The following LPIN1 variants were observed in gnomAD, a reference collection of about 807,000 sequenced individuals.
LPIN1 encodes lipin 1.
In LPIN1, 71 loss-of-function variants were observed where a neutral mutation model predicts 107.5. That is an observed-to-expected ratio of 0.66 (90% CI 0.55 to 0.80). The LOEUF is 0.80. Ranked by LOEUF, LPIN1 falls within the 30% of genes least tolerant of loss-of-function variation. The pLI, the probability that LPIN1 is intolerant of heterozygous loss-of-function variation, is 0.00. For missense variants in LPIN1, 1,043 were observed against 1,160.6 expected, an observed-to-expected ratio of 0.90 and a Z score of 1.47; for synonymous variants, 445 against 452.6, an observed-to-expected ratio of 0.98 and a Z score of 0.21.
chr2:11,756,152 T>C (rs1389175121), intron 1 of LPIN1, among the ~76,000 whole-genome samples: 1 of 152,226 alleles, frequency 6.6e-6, no homozygotes, highest in African/African-American at 2.4e-5. Flanking sequence ...TTATATATAA[T>C]TAGATGTTGC....
upstream of LPIN1, chr2:11,721,762 C>T (rs1452745034): frequency 1.3e-5 from 2 of 152,268 alleles, no homozygotes; most frequent in Non-Finnish European, 2.9e-5. Flanking sequence ...CCTCCTGTCC[C>T]TTCTCTTCTC....
chr2:11,746,791 G>C (rs112959048), intron 1 of LPIN1, 120 bp downstream of exon 1: 2 of 368,120 alleles, frequency 5.4e-6, no homozygotes, highest in Non-Finnish European at 7.5e-6. Flanking sequence ...GCTCGGCCCC[G>C]GGGCCCGAGG....
At chr2:11,785,349 G>C (rs1349421615) in intron 10 of LPIN1, among the ~76,000 whole-genome samples, 7 of 152,230 alleles carry the variant, frequency 4.6e-5, no homozygotes, top group African/African-American at 1.7e-4. Context: ...AGGCCTGCAG[G>C]CTAGAGGGGG....
chr2:11,717,943 T>G (rs1336838512), intron 2 of LPIN1, among the ~76,000 whole-genome samples: 1 of 152,220 alleles, frequency 6.6e-6, no homozygotes, highest in East Asian at 1.9e-4. Flanking sequence ...CAGTAGTTTC[T>G]AGTTCTTTCC....
intron 1 of LPIN1, among the ~76,000 whole-genome samples, chr2:11,733,244 C>A (rs2148548364): frequency 6.6e-6 from 1 of 152,194 alleles, no homozygotes; most frequent in East Asian, 1.9e-4. Context: ...GTGTTATTTC[C>A]AAGCAGGATT....
At chr2:11,704,402 C>T (rs1663027329) in intron 1 of LPIN1, among the ~76,000 whole-genome samples, 1 of 152,152 alleles carries the variant, frequency 6.6e-6, no homozygotes, top group Admixed American at 6.5e-5. Context: ...CCGGGGGAGG[C>T]AGAGCGGGGT....
At chr2:11,725,284 C>CAAA (rs369704064) in intron 1 of LPIN1, among the ~76,000 whole-genome samples, 94 of 148,860 alleles carry the variant, frequency 6.3e-4, no homozygotes, top group African/African-American at 2.4e-3. Flanking sequence ...AAAACAAAAA[C>CAAA]AAACAAACAA....
chr2:11,693,816 ATATATATTTTTTTTTTTTT>A (rs1162407947), intron 1 of LPIN1, among the ~76,000 whole-genome samples: 11 of 29,482 alleles, frequency 3.7e-4, no homozygotes, highest in Admixed American at 6.6e-4. Context: ...ATATATATAT[ATATATATTTTTTTTTTTTT>A]TTTTTTTTTT....
chr2:11,793,675 G>A (rs1428280229), intron 13 of LPIN1, among the ~76,000 whole-genome samples: 1 of 152,114 alleles, frequency 6.6e-6, no homozygotes, highest in Admixed American at 6.5e-5. Context: ...CCCCTGCTTC[G>A]CTTAGCTAAC....
intron 1 of LPIN1, among the ~76,000 whole-genome samples, chr2:11,761,842 A>G (rs532062311): frequency 3.3e-5 from 5 of 152,228 alleles, no homozygotes; most frequent in African/African-American, 1.2e-4. Context: ...AAACCATACA[A>G]TTTCCTCTAC....
chr2:11,719,153 A>T (rs1042263609), intron 2 of LPIN1, among the ~76,000 whole-genome samples: 1 of 151,940 alleles, frequency 6.6e-6, no homozygotes, highest in Admixed American at 6.6e-5. Flanking sequence ...TGATCTGGGA[A>T]TTTTTTTTCC....
chr2:11,754,825 A>G (rs1668412113), intron 1 of LPIN1, among the ~76,000 whole-genome samples: 1 of 151,924 alleles, frequency 6.6e-6, no homozygotes, highest in Non-Finnish European at 1.5e-5. Context: ...TCCGACCCCC[A>G]ATTTTGTGTC....
intron 7 of LPIN1, among the ~76,000 whole-genome samples, chr2:11,780,233 A>G (rs1220504371): frequency 1.3e-5 from 2 of 152,224 alleles, no homozygotes; most frequent in Non-Finnish European, 2.9e-5. Context: ...AAGAAATACA[A>G]CTTACACACA....
At chr2:11,780,587 C>T (rs1673422563) in intron 7 of LPIN1, among the ~76,000 whole-genome samples, 1 of 152,110 alleles carries the variant, frequency 6.6e-6, no homozygotes, top group Non-Finnish European at 1.5e-5. Flanking sequence ...ATGGAGATCT[C>T]CAAAATAAAT....
Position 11,824,818 on chromosome 2 carries a change from A to C in LPIN1, c.*27A>C. On this transcript the variant is annotated 3_prime_UTR_variant, in exon 21 of 21. Transcript: ENST00000674199. ...ATGTCCCAAGCAGCCTCTTGCCAGC[A>C]GTGCAGAGCCTGGTTGTCACCCATT... 6.2e-7 allele frequency: 1 copy of C among 1,613,944 alleles called. No individual in the cohort carries two copies. The highest frequency in any genetic ancestry group is 8.5e-7 in the Non-Finnish European group (1 of 1,179,934).
Position 11,779,500 on chromosome 2 carries a change from G to C in LPIN1, c.831-19G>C. On this transcript the variant is annotated intron_variant, in intron 6 of 20. Transcript: ENST00000674199. Reference sequence around the variant, plus strand: ...AGTTTCTTTTCCCACCTTAATTTTCGCTTTGTGTTTTCCTTAAGTCCTTCC... The same window carrying C: ...AGTTTCTTTTCCCACCTTAATTTTCCCTTTGTGTTTTCCTTAAGTCCTTCC... 6.2e-7 allele frequency: 1 copy of C among 1,612,286 alleles called. No homozygotes were observed. The highest frequency in any genetic ancestry group is 1.1e-5 in the South Asian group (1 of 90,982).
chr2:11,802,847 A>AT, intron 14 of LPIN1, 60 bp from the exon 15 acceptor site: 1 of 1,602,498 alleles, frequency 6.2e-7, no homozygotes, highest in Non-Finnish European at 8.5e-7. Context: ...AGGCTAATGC[A>AT]TTTTTCATGG....
chr2:11,698,300 G>A (rs1050773752), intron 1 of LPIN1, among the ~76,000 whole-genome samples: 2 of 152,210 alleles, frequency 1.3e-5, no homozygotes, highest in African/African-American at 4.8e-5. Context: ...GATGCTTTGG[G>A]AGAAGGCACT....
chr2:11,709,577 C>T (rs1184584148), intron 1 of LPIN1, among the ~76,000 whole-genome samples: 1 of 152,180 alleles, frequency 6.6e-6, no homozygotes, highest in Admixed American at 6.5e-5. Flanking sequence ...TTTTAGGTCC[C>T]GAGTTATATG....
Sources: gnomAD v4.1 joint callset for allele counts (sites outside exome capture counted in the v4.1 genomes callset) on GRCh38, gnomAD v4.1.1 for gene constraint, MANE v1.5 for transcripts, NCBI Gene and HGNC (gene_info 2026-07-23, HGNC 2026-07-21) for gene names.